The following RBPMS variants were observed in gnomAD, a reference collection of about 807,000 sequenced individuals.
The protein encoded by RBPMS is RNA-binding protein with multiple splicing.
A neutral mutation model predicts 26.8 loss-of-function variants in RBPMS; 7 were observed. The observed-to-expected ratio is 0.26, with a 90% CI of 0.15 to 0.49. The LOEUF is 0.49. RBPMS is among the 20% of genes least tolerant of loss of function. RBPMS has a pLI of 0.98. For synonymous variants in RBPMS, 96 were observed against 93.3 expected (o/e 1.03, Z -0.17); for missense variants, 186 against 250.0 (o/e 0.74, Z 1.73).
intron 1 of RBPMS, among the ~76,000 whole-genome samples, chr8:30,418,665 G>A (rs1217931036): frequency 2.6e-5 from 4 of 152,012 alleles, no homozygotes; most frequent in Admixed American, 6.6e-5. Context: ...TGCAACCTCC[G>A]TCTCCTGGGT....
intron 1 of RBPMS, among the ~76,000 whole-genome samples, chr8:30,438,507 AAACTG>A (rs1812725585): frequency 1.3e-5 from 2 of 152,216 alleles, no homozygotes; most frequent in Admixed American, 1.3e-4. Flanking sequence ...GACTACCTCT[AAACTG>A]AGGAATGTAA....
intron 5 of RBPMS, among the ~76,000 whole-genome samples, chr8:30,517,320 TAAGTATAATGTAATCTGTGCAA>T (rs1822452082): frequency 6.6e-6 from 1 of 151,922 alleles, no homozygotes; most frequent in South Asian, 2.1e-4. Flanking sequence ...AATCTCTGGG[TAAGTATAATGTAATCTGTGCAA>T]ACTCAGGTCC....
intron 6 of RBPMS, among the ~76,000 whole-genome samples, chr8:30,548,499 A>G (rs543430959): frequency 6.6e-6 from 1 of 152,334 alleles, no homozygotes; most frequent in African/African-American, 2.4e-5. Context: ...GAGTAACAGC[A>G]GTTCTATCGG....
At chr8:30,515,035 G>A (rs1822159614) in intron 5 of RBPMS, among the ~76,000 whole-genome samples, 1 of 151,930 alleles carries the variant, frequency 6.6e-6, no homozygotes, top group African/African-American at 2.4e-5. Flanking sequence ...TCTGTTGCCA[G>A]TGGTTCGATC....
At chr8:30,436,560 T>C (rs1172534233) in intron 1 of RBPMS, among the ~76,000 whole-genome samples, 1 of 152,208 alleles carries the variant, frequency 6.6e-6, no homozygotes, top group Non-Finnish European at 1.5e-5. Flanking sequence ...AGTTGGAATC[T>C]TGTGCTCTGA....
chr8:30,488,523 T>TCTTA (rs1300977737), intron 4 of RBPMS, among the ~76,000 whole-genome samples: 2 of 152,132 alleles, frequency 1.3e-5, no homozygotes, highest in African/African-American at 4.8e-5. Context: ...TGTTCACACC[T>TCTTA]CTTAGAATGC....
chr8:30,498,939 G>A (rs936282172), intron 4 of RBPMS, among the ~76,000 whole-genome samples: 1 of 152,064 alleles, frequency 6.6e-6, no homozygotes, highest in African/African-American at 2.4e-5. Flanking sequence ...ATGCAGAGAA[G>A]TAGATCTGAA....
intron 5 of RBPMS, among the ~76,000 whole-genome samples, chr8:30,527,345 T>A (rs1369647109): frequency 6.6e-6 from 1 of 152,166 alleles, no homozygotes; most frequent in African/African-American, 2.4e-5. Flanking sequence ...GGGAAACCTT[T>A]TCTGGGGTCT....
chr8:30,492,751 G>A (rs944772454), intron 4 of RBPMS, among the ~76,000 whole-genome samples: 19 of 152,192 alleles, frequency 1.2e-4, no homozygotes, highest in African/African-American at 4.6e-4. Context: ...AAAGGGGTGT[G>A]TATTTTCTAG....
chr8:30,441,886 T>G (rs1272397094), intron 1 of RBPMS, among the ~76,000 whole-genome samples: 1 of 152,216 alleles, frequency 6.6e-6, no homozygotes, highest in Admixed American at 6.5e-5. Flanking sequence ...GCCTCCTGGA[T>G]TCAAGCGATT....
chr8:30,424,836 G>T (rs777962383), intron 1 of RBPMS, among the ~76,000 whole-genome samples: 6 of 152,116 alleles, frequency 3.9e-5, no homozygotes, highest in Non-Finnish European at 8.8e-5. Context: ...TTGAAGCATG[G>T]CTGTTGTATT....
intron 6 of RBPMS, 187 bp downstream of exon 6, chr8:30,544,811 A>T: frequency 6.4e-7 from 1 of 1,555,098 alleles, no homozygotes; most frequent in Non-Finnish European, 8.7e-7. Flanking sequence ...GACAGCAATG[A>T]TATCACCCAC....
At chr8:30,549,331 G>A (rs1021904281) in intron 6 of RBPMS, among the ~76,000 whole-genome samples, 7 of 152,206 alleles carry the variant, frequency 4.6e-5, no homozygotes, top group African/African-American at 1.4e-4. Context: ...GATTCCTAAG[G>A]TATATACTGT....
chr8:30,527,564 G>A (rs937941833), intron 5 of RBPMS, among the ~76,000 whole-genome samples: 3 of 152,114 alleles, frequency 2.0e-5, no homozygotes, highest in Non-Finnish European at 2.9e-5. Context: ...TACATACACA[G>A]CCCAGTCTTT....
intron 1 of RBPMS, among the ~76,000 whole-genome samples, chr8:30,441,064 C>T (rs1436024961): frequency 6.6e-6 from 1 of 151,972 alleles, no homozygotes. Flanking sequence ...GCAATCTTCC[C>T]GCCTCAGCCT....
intron 4 of RBPMS, among the ~76,000 whole-genome samples, chr8:30,489,753 T>C (rs1367506979): frequency 1.3e-5 from 2 of 150,092 alleles, no homozygotes; most frequent in African/African-American, 2.5e-5. Flanking sequence ...AAAGTCTTTT[T>C]TTCTGTACAC....
At chr8:30,390,649 C>T (rs1807682457) in intron 1 of RBPMS, among the ~76,000 whole-genome samples, 1 of 152,188 alleles carries the variant, frequency 6.6e-6, no homozygotes, top group Non-Finnish European at 1.5e-5. Context: ...CAAGATCCCC[C>T]TCACCTGAAT....
At chr8:30,457,763 A>G (rs1225120420) in intron 1 of RBPMS, among the ~76,000 whole-genome samples, 2 of 151,816 alleles carry the variant, frequency 1.3e-5, no homozygotes, top group African/African-American at 4.8e-5. Flanking sequence ...TTTTTAGTAG[A>G]GACGGGGTTT....
intron 1 of RBPMS, among the ~76,000 whole-genome samples, chr8:30,455,758 T>C (rs1022568835): frequency 2.6e-5 from 4 of 151,996 alleles, no homozygotes; most frequent in African/African-American, 4.8e-5. Context: ...GGCGTGGTGG[T>C]GGGCGCCTGT....
Sources: gnomAD v4.1 joint callset for allele counts (sites outside exome capture counted in the v4.1 genomes callset) on GRCh38, gnomAD v4.1.1 for gene constraint, MANE v1.5 for transcripts, NCBI Gene and HGNC (gene_info 2026-07-23, HGNC 2026-07-21) for gene names.